Variants in PDZD2 observed in about 807,000 individuals in gnomAD.
PDZD2 encodes the protein PDZ domain containing 2, also known as PDZ domain-containing protein 2.
A neutral mutation model predicts 220.7 loss-of-function variants in PDZD2; 90 were observed. That is an observed-to-expected ratio of 0.41 (90% CI 0.34 to 0.49). The LOEUF is 0.49. PDZD2 is among the 20% of genes least tolerant of loss of function. PDZD2 has a pLI of 0.28. For missense variants in PDZD2, 3,174 were observed against 3,608.5 expected (o/e 0.88, Z 3.08); for synonymous variants, 1,375 against 1,450.5 (o/e 0.95, Z 1.18).
chr5:31,715,045 C>A (rs1195620884), intron 1 of PDZD2, among the ~76,000 whole-genome samples: 1 of 74,944 alleles, frequency 1.3e-5, no homozygotes, highest in African/African-American at 6.3e-5. Flanking sequence ...GGCAACAGAG[C>A]GACACTCTGT....
chr5:31,955,221 C>T (rs1456906725), intron 2 of PDZD2, among the ~76,000 whole-genome samples: 2 of 152,020 alleles, frequency 1.3e-5, no homozygotes, highest in African/African-American at 4.8e-5. Context: ...CACATGTGAC[C>T]CTCTAGAATG....
Position 32,010,482 on chromosome 5 carries a change from A to G in PDZD2, c.1407A>G (p.Ala469=), listed in dbSNP as rs1753207808. The G allele has an allele frequency of 1.2e-6, 2 of 1,606,464 alleles. No individual in the cohort carries two copies. Among genetic ancestry groups the G allele is most frequent in the Non-Finnish European group, 1.7e-6 (2 of 1,173,860 alleles). The change falls in exon 6 of 25, where the codon GCA becomes GCG. Residue 469 remains alanine, a splice_region_variant and synonymous_variant. Coordinates refer to ENST00000438447, the MANE Select transcript of PDZD2 (RefSeq NM_178140.4). ...GAACCAGCTCTTCTGTCCAGAGAGC[A>G]GTAAGTGGCTCTGTGCTCCTGGCTT... ...DEGTSSSVQR[A]MPGTDEPQDV... is the part of the protein sequence containing the mutation.
At chr5:31,831,911 C>CAAAAAA (rs56394577) in intron 2 of PDZD2, among the ~76,000 whole-genome samples, 9 of 63,706 alleles carry the variant, frequency 1.4e-4, no homozygotes, top group Admixed American at 2.5e-4. Context: ...GAGACTGTTT[C>CAAAAAA]AAAAAAAAAA....
At position 32,088,106 on chromosome 5, in the gene PDZD2, G is replaced by A; in HGVS notation, c.4658G>A (p.Gly1553Asp). ...STEPSLSSMY[G>D]DAEDSSSDPE... Reference sequence around the variant, plus strand: ...GAGCCGTCTCTGTCATCCATGTATGGCGATGCTGAGGATTCTTCTTCTGAC... The same window carrying A: ...GAGCCGTCTCTGTCATCCATGTATGACGATGCTGAGGATTCTTCTTCTGAC... Residue 1553 changes from glycine (G) to aspartate (D), a missense_variant, in exon 20 of 25, where the codon GGC (glycine) becomes GAC (aspartate). Gly to Asp is a moderately conservative substitution (Grantham distance 94). This residue lies in a region of PDZD2 where 1,861 missense variants were observed against 2,001.0 expected (regional missense o/e 0.93). Transcript: ENST00000438447. The surrounding 1 kb of genome is among the most constrained non-coding windows in gnomAD (Gnocchi z 4.6). 6.2e-7 allele frequency: 1 copy of A among 1,614,144 alleles called. No homozygotes were observed. Among genetic ancestry groups the A allele is most frequent in the Non-Finnish European group, 8.5e-7 (1 of 1,180,012 alleles).
At position 31,646,234 on chromosome 5, in the gene PDZD2, T is replaced by C. The variant is rs1467689252; in HGVS notation, c.-361+6797T>C. 2.0e-5 allele frequency among the ~76,000 whole-genome samples: 3 copies of C among 152,274 alleles called. No individual in the cohort carries two copies. In the East Asian group the frequency reaches 5.8e-4, roughly 29 times the overall value. On this transcript the variant is annotated intron_variant, in intron 1 of 24. Coordinates refer to ENST00000438447, the MANE Select transcript of PDZD2 (RefSeq NM_178140.4). The surrounding 1 kb of genome is among the most constrained non-coding windows in gnomAD (Gnocchi z 4.7). The stretch of plus-strand genomic sequence containing the variant: ...CTGTAATTCCAGTATTCCAGAAGAC[T>C]CTGTTTCTGGAGACTGGAGAGGCAA...
intron 1 of PDZD2, among the ~76,000 whole-genome samples, chr5:31,770,119 A>G (rs1055409743): frequency 6.6e-6 from 1 of 152,246 alleles, no homozygotes; most frequent in Non-Finnish European, 1.5e-5. Flanking sequence ...AAAGAAAGGG[A>G]AAGTAGGTCA....
At chr5:31,884,330 C>A (rs1004437348) in intron 2 of PDZD2, among the ~76,000 whole-genome samples, 1 of 152,112 alleles carries the variant, frequency 6.6e-6, no homozygotes, top group African/African-American at 2.4e-5. Context: ...TGTTAGGAGG[C>A]CTTAGGCTTA....
chr5:32,080,369 A>AAAC (rs1741804569), intron 19 of PDZD2, among the ~76,000 whole-genome samples: 1 of 144,454 alleles, frequency 6.9e-6, no homozygotes, highest in Non-Finnish European at 1.5e-5. Context: ...AAAAAAAAAA[A>AAAC]AGTGGGGGGT....
intron 2 of PDZD2, among the ~76,000 whole-genome samples, chr5:31,978,847 A>G (rs1750028125): frequency 1.3e-5 from 2 of 152,210 alleles, no homozygotes; most frequent in Admixed American, 6.5e-5. Context: ...CCAGGAAGGA[A>G]TAAAATAACC....
chr5:31,847,012 T>C (rs903930002), intron 2 of PDZD2, among the ~76,000 whole-genome samples: 1 of 152,250 alleles, frequency 6.6e-6, no homozygotes, highest in Non-Finnish European at 1.5e-5. Context: ...AAAATCATTT[T>C]GCTGTCTGTT....
At chr5:31,725,338 CA>C (rs1215709111) in intron 1 of PDZD2, among the ~76,000 whole-genome samples, 11,111 of 67,280 alleles carry the variant, frequency 0.17, 380 homozygotes, top group African/African-American at 0.24. Context: ...AACTCCATCT[CA>C]AAAAAAAAAA....
chr5:31,826,827 A>G (rs1213922284), intron 2 of PDZD2, among the ~76,000 whole-genome samples: 2 of 152,184 alleles, frequency 1.3e-5, no homozygotes, highest in Non-Finnish European at 2.9e-5. Context: ...AGAGGCGAGT[A>G]TTATTACCTG....
intron 1 of PDZD2, among the ~76,000 whole-genome samples, chr5:31,664,069 A>G (rs1175743412): frequency 2.6e-5 from 4 of 152,238 alleles, no homozygotes; most frequent in African/African-American, 9.6e-5. Context: ...CTTACTGTCT[A>G]GAGAACATTA....
chr5:31,969,141 A>G (rs1344676804), intron 2 of PDZD2, among the ~76,000 whole-genome samples: 1 of 152,118 alleles, frequency 6.6e-6, no homozygotes, highest in African/African-American at 2.4e-5. Flanking sequence ...TAGCGGGACT[A>G]TGAGATCTGT....
chr5:31,821,386 TA>T (rs896098987), intron 2 of PDZD2, among the ~76,000 whole-genome samples: 19 of 50,246 alleles, frequency 3.8e-4, no homozygotes, highest in Middle Eastern at 0.014. Flanking sequence ...TTATTATTAT[TA>T]TTTTTTTTTT....
intron 6 of PDZD2, among the ~76,000 whole-genome samples, chr5:32,025,591 C>CCTTTTTTTTTTTTTTTTTT (rs1754583417): frequency 3.0e-5 from 2 of 67,508 alleles, no homozygotes; most frequent in African/African-American, 1.3e-4. Flanking sequence ...AACCATGATG[C>CCTTTTTTTTTTTTTTTTTT]TTTTTTTTTT....
chr5:31,896,687 A>G (rs1741601448), intron 2 of PDZD2, among the ~76,000 whole-genome samples: 2 of 152,306 alleles, frequency 1.3e-5, no homozygotes, highest in East Asian at 1.9e-4. Flanking sequence ...GCTGAGTGCT[A>G]TGGCTCATGG....
At chr5:31,673,038 A>G (rs903426956) in intron 1 of PDZD2, among the ~76,000 whole-genome samples, 5 of 152,200 alleles carry the variant, frequency 3.3e-5, no homozygotes, top group East Asian at 3.9e-4. Context: ...GGTTTGAGAT[A>G]CTACGGGGAA....
chr5:31,856,625 A>G (rs1245723561), intron 2 of PDZD2, among the ~76,000 whole-genome samples: 1 of 152,194 alleles, frequency 6.6e-6, no homozygotes, highest in South Asian at 2.1e-4. Flanking sequence ...CCAGCGGCGC[A>G]CCTGGCACGT....
Sources: allele counts gnomAD v4.1 joint callset (sites outside exome capture counted in the v4.1 genomes callset), GRCh38; gene constraint gnomAD v4.1.1; regional missense constraint gnomAD v4.1.1; non-coding constraint Gnocchi (gnomAD v3.1); transcripts MANE v1.5; gene names NCBI Gene and HGNC (gene_info 2026-07-23, HGNC 2026-07-21).